Variants in D2HGDH observed in about 807,000 individuals in gnomAD.
D2HGDH encodes D-2-hydroxyglutarate dehydrogenase, mitochondrial.
In D2HGDH, 31 loss-of-function variants were observed where a neutral mutation model predicts 46.9. The ratio of observed to expected loss-of-function variants is 0.66; its 90% CI spans 0.50 to 0.89. The LOEUF is 0.89. Among genes scored for constraint, D2HGDH ranks in the 40% least tolerant of loss-of-function variants. D2HGDH has a pLI of 0.00. For missense variants in D2HGDH, 698 were observed against 720.8 expected, an observed-to-expected ratio of 0.97 and a Z score of 0.36; for synonymous variants, 364 against 332.6, an observed-to-expected ratio of 1.09 and a Z score of -1.03.
intron 9 of D2HGDH, among the ~76,000 whole-genome samples, chr2:241,757,890 C>T (rs966541662): frequency 7.4e-5 from 11 of 149,434 alleles, no homozygotes; most frequent in African/African-American, 2.5e-4. Context: ...ACCCAGGAGG[C>T]GGAGGTTGCA....
At chr2:241,745,819 T>C (rs1016855389) in intron 6 of D2HGDH, among the ~76,000 whole-genome samples, 9 of 152,224 alleles carry the variant, frequency 5.9e-5, no homozygotes, top group Non-Finnish European at 8.8e-5. Context: ...TGAAGGCTCT[T>C]TTCCACAGGC....
chr2:241,748,238 A>C (rs909738009), intron 6 of D2HGDH, among the ~76,000 whole-genome samples: 1 of 152,140 alleles, frequency 6.6e-6, no homozygotes, highest in Non-Finnish European at 1.5e-5. Flanking sequence ...CTCCTGCCTC[A>C]GCCTCCCAAG....
intron 9 of D2HGDH, among the ~76,000 whole-genome samples, chr2:241,764,646 T>G (rs6747623): frequency 6.6e-6 from 1 of 152,006 alleles, no homozygotes. Context: ...GGACCTGAGT[T>G]GGGGGAGCTT....
At chr2:241,747,068 G>A (rs1345767286) in intron 6 of D2HGDH, among the ~76,000 whole-genome samples, 2 of 151,970 alleles carry the variant, frequency 1.3e-5, no homozygotes, top group East Asian at 3.9e-4. Context: ...CTCTTGAGTA[G>A]CTGGGATTAC....
intron 2 of D2HGDH, among the ~76,000 whole-genome samples, chr2:241,736,640 A>G (rs939860278): frequency 2.7e-5 from 4 of 150,890 alleles, no homozygotes; most frequent in African/African-American, 9.7e-5. Context: ...AGTACTGTCA[A>G]CTTAATTACA....
chr2:241,764,827 C>T (rs1283788201), intron 9 of D2HGDH, among the ~76,000 whole-genome samples: 1 of 152,228 alleles, frequency 6.6e-6, no homozygotes, highest in Non-Finnish European at 1.5e-5. Context: ...TGGTTTCTGG[C>T]TCCCTCTCCT....
chr2:241,750,338 T>C (rs1444445257), intron 7 of D2HGDH, 44 bp downstream of exon 7: 1 of 1,441,508 alleles, frequency 6.9e-7, no homozygotes, highest in Non-Finnish European at 9.3e-7. Flanking sequence ...TGCAGCTCCT[T>C]CTGCACGTCT....
At chr2:241,739,134 A>G (rs1018584774) in intron 2 of D2HGDH, among the ~76,000 whole-genome samples, 3 of 152,000 alleles carry the variant, frequency 2.0e-5, no homozygotes, top group Admixed American at 6.6e-5. Flanking sequence ...TGGGGCTCCC[A>G]TCGTTAACAC....
intron 6 of D2HGDH, among the ~76,000 whole-genome samples, chr2:241,747,409 C>T (rs1459064660): frequency 6.6e-6 from 1 of 151,946 alleles, no homozygotes; most frequent in South Asian, 2.1e-4. Context: ...TTTGCTTTTG[C>T]TTTTGCTAGG....
At chr2:241,754,234 G>T (rs920971991) in intron 8 of D2HGDH, among the ~76,000 whole-genome samples, 7 of 152,224 alleles carry the variant, frequency 4.6e-5, no homozygotes, top group African/African-American at 1.7e-4. Context: ...GACCATGGAG[G>T]CGAAAGCCGG....
rs780686147 is a variant in D2HGDH, at chr2:241,768,006, C to T, written c.*37C>T. ...GCTGCTGCCAAGGCCCACTGGGGGT[C>T]GGCGGGTGGCTCTCGGGCGGGGGTG... On this transcript the variant is annotated 3_prime_UTR_variant, in exon 10 of 10. Transcript: ENST00000321264. 4.1e-5 allele frequency: 64 copies of T among 1,551,722 alleles called. No homozygotes were observed. The highest frequency in any genetic ancestry group is 3.1e-4 in the African/African-American group (23 of 73,692).
intron 9 of D2HGDH, among the ~76,000 whole-genome samples, chr2:241,758,590 A>G (rs1369324027): frequency 6.6e-6 from 1 of 151,832 alleles, no homozygotes; most frequent in Non-Finnish European, 1.5e-5. Context: ...CCTCACACAC[A>G]CCAGCAGGCC....
chr2:241,750,513 T>A (rs1427469486), intron 7 of D2HGDH, among the ~76,000 whole-genome samples: 2 of 152,146 alleles, frequency 1.3e-5, no homozygotes, highest in Non-Finnish European at 2.9e-5. Flanking sequence ...CTGTGTAAGG[T>A]TTGTAGTTAC....
chr2:241,742,419 C>G lies in D2HGDH; in HGVS notation c.351-16C>G, dbSNP rs917594061. ...GTGGGGACAGAGCCCCAACGTCCCTCCTGTCCTCATCCCAGGCACTGCCAC... is the reference window on the plus strand; with the variant it reads ...GTGGGGACAGAGCCCCAACGTCCCTGCTGTCCTCATCCCAGGCACTGCCAC... On this transcript the variant is annotated splice_polypyrimidine_tract_variant and intron_variant, in intron 3 of 9. Transcript: ENST00000321264. This position sits in a 1 kb window ranked among gnomAD's most constrained non-coding sequence, Gnocchi z 4.8. 1 of 1,602,946 alleles carries G rather than the reference C, an allele frequency of 6.2e-7. No homozygotes were observed. Among genetic ancestry groups the G allele is most frequent in the African/African-American group, 1.3e-5 (1 of 74,672 alleles).
chr2:241,751,203 A>G (rs1697134884), intron 7 of D2HGDH, 43 bp from the exon 8 acceptor site: 1 of 1,613,530 alleles, frequency 6.2e-7, no homozygotes, highest in Non-Finnish European at 8.5e-7. Context: ...TTGCCCTGGC[A>G]GCCGGAGCCT....
chr2:241,751,482 CA>C, intron 8 of D2HGDH, 94 bp downstream of exon 8: 1 of 1,554,616 alleles, frequency 6.4e-7, no homozygotes, highest in Non-Finnish European at 8.7e-7. Flanking sequence ...GCAGCCTAGA[CA>C]GTGTGGGATG....
Position 241,735,513 on chromosome 2 carries a change from C to G in D2HGDH, c.289C>G (p.Arg97Gly). 6.2e-7 allele frequency: 1 copy of G among 1,605,498 alleles called. No homozygotes were observed. Among genetic ancestry groups the G allele is most frequent in the Non-Finnish European group, 8.5e-7 (1 of 1,179,740 alleles). ...APNVDWLRTL[R>G]GCSKVLLRPR... ...CAACGTGGACTGGTTGCGGACGCTG[C>G]GAGGTGGGTGAGGCTTGGGAAGCTG... Residue 97 changes from arginine to glycine, a missense_variant, in exon 2 of 10, where the codon CGA (arginine) becomes GGA (glycine). Transcript: ENST00000321264.
chr2:241,745,566 G>A (rs970455476), intron 6 of D2HGDH, among the ~76,000 whole-genome samples: 6 of 152,178 alleles, frequency 3.9e-5, no homozygotes, highest in Admixed American at 2.0e-4. Context: ...CTGAGACTCC[G>A]CATGCTTGTT....
chr2:241,744,426 G>A lies in D2HGDH; in HGVS notation c.685-283G>A, dbSNP rs1425093271. Among the ~76,000 whole-genome samples, 5 of 152,384 alleles carry A rather than the reference G, an allele frequency of 3.3e-5. No homozygotes were observed. The South Asian group carries it at 8.3e-4, about 25-fold the overall frequency. Reference sequence around the variant, plus strand: ...GGACTCGGAGAGGCCCACAGCTCGGGAGCTTTGATGCCTTATGGCTGGTGG... The same window carrying A: ...GGACTCGGAGAGGCCCACAGCTCGGAAGCTTTGATGCCTTATGGCTGGTGG... On this transcript the variant is annotated intron_variant, in intron 5 of 9. Coordinates refer to ENST00000321264, the MANE Select transcript of D2HGDH (RefSeq NM_152783.5).
Sources: gnomAD v4.1 joint callset for allele counts (sites outside exome capture counted in the v4.1 genomes callset) on GRCh38, gnomAD v4.1.1 for gene constraint, Gnocchi (gnomAD v3.1) non-coding constraint, MANE v1.5 for transcripts, NCBI Gene and HGNC (gene_info 2026-07-23, HGNC 2026-07-21) for gene names.